Variants in CCDC62 observed in about 807,000 individuals in gnomAD.
The protein encoded by CCDC62 is coiled-coil domain-containing protein 62.
In CCDC62, 72 loss-of-function variants were observed where a neutral mutation model predicts 80.8. That is an observed-to-expected ratio of 0.89 (90% CI 0.74 to 1.08). The LOEUF is 1.08. Ranked by LOEUF, CCDC62 falls within the 50% of genes least tolerant of loss-of-function variation. The pLI is 0.00. For missense variants in CCDC62, 704 were observed against 809.4 expected (o/e 0.87, Z 1.58); for synonymous variants, 286 against 296.5 (o/e 0.96, Z 0.36).
intron 3 of CCDC62, among the ~76,000 whole-genome samples, chr12:122,783,995 T>C (rs2030050471): frequency 6.6e-6 from 1 of 152,194 alleles, no homozygotes; most frequent in South Asian, 2.1e-4. Flanking sequence ...CTCTACTATA[T>C]TATAGTATGT....
chr12:122,812,773 G>GAAAGAA (rs1555257959), intron 10 of CCDC62, among the ~76,000 whole-genome samples: 829 of 68,752 alleles, frequency 0.012, 8 homozygotes, highest in South Asian at 0.017. Context: ...GAGAGAGAGA[G>GAAAGAA]AGAGAGAAAG....
intron 2 of CCDC62, among the ~76,000 whole-genome samples, chr12:122,780,422 G>A (rs1879776070): frequency 6.6e-6 from 1 of 151,640 alleles, no homozygotes; most frequent in Non-Finnish European, 1.5e-5. Flanking sequence ...GACCATCCTG[G>A]CTAACACGGT....
rs749893773 is a variant in CCDC62 at position 122,792,038 on chromosome 12, C to A, written c.689C>A (p.Thr230Lys). The change falls in exon 6 of 13, where the codon ACG becomes AAG. Residue 230 changes from threonine (T) to lysine (K), a missense_variant. Coordinates refer to ENST00000253079, the MANE Select transcript of CCDC62 (RefSeq NM_201435.5). Reference sequence around the variant, plus strand: ...TGTGAAGAGGACCTCAATGAAAAGACGACAGAAAATAATGAGCAACGAGAA... The same window carrying A: ...TGTGAAGAGGACCTCAATGAAAAGAAGACAGAAAATAATGAGCAACGAGAA... The part of the protein sequence containing the change: ...NKLKEDLNEK[T>K]TENNEQREEI... 6.2e-7 allele frequency: 1 copy of A among 1,613,538 alleles called. No homozygotes were observed. The highest frequency in any genetic ancestry group is 8.5e-7 in the Non-Finnish European group (1 of 1,179,614).
intron 8 of CCDC62, among the ~76,000 whole-genome samples, chr12:122,799,836 C>T (rs533705990): frequency 2.0e-5 from 3 of 152,218 alleles, no homozygotes; most frequent in Admixed American, 6.5e-5. Context: ...TGGCTGGGGC[C>T]GCCCTGCTTT....
chr12:122,802,393 G>A (rs1383382034), intron 9 of CCDC62, among the ~76,000 whole-genome samples: 1 of 150,712 alleles, frequency 6.6e-6, no homozygotes, highest in Non-Finnish European at 1.5e-5. Flanking sequence ...GCAATATAAC[G>A]AGACCCTATC....
At chr12:122,809,914 G>A (rs1319399919) in intron 10 of CCDC62, among the ~76,000 whole-genome samples, 3 of 152,028 alleles carry the variant, frequency 2.0e-5, no homozygotes, top group Non-Finnish European at 2.9e-5. Flanking sequence ...AACAAGAAAT[G>A]GGGAAAGGAT....
chr12:122,826,457 C>T lies in CCDC62; in HGVS notation c.*76C>T, dbSNP rs771310488. 2 of 779,248 alleles carry T rather than the reference C, an allele frequency of 2.6e-6. No homozygotes were observed. The highest frequency in any genetic ancestry group is 1.3e-5 in the South Asian group (1 of 74,260). The allele number at this position is 779,248 out of a possible 1,614,324, so 48.3% of individuals were successfully genotyped here. ...TATGTGGAAGGCAGAAAGCAGACAC[C>T]AATACTGAATGAATACTTAACCGTA... On this transcript the variant is annotated 3_prime_UTR_variant, in exon 13 of 13. Transcript: ENST00000253079.
chr12:122,806,796 G>T, intron 10 of CCDC62, among the ~76,000 whole-genome samples: 1 of 116,274 alleles, frequency 8.6e-6, no homozygotes. Flanking sequence ...TTTTTCTTTC[G>T]AGAAAAATTG....
At chr12:122,813,758 G>T (rs1432425967) in intron 11 of CCDC62, among the ~76,000 whole-genome samples, 1 of 152,060 alleles carries the variant, frequency 6.6e-6, no homozygotes, top group Non-Finnish European at 1.5e-5. Flanking sequence ...CCGGGTTCAA[G>T]TGATTCTCCT....
At chr12:122,814,998 G>T (rs772528350) in intron 11 of CCDC62, among the ~76,000 whole-genome samples, 3 of 149,088 alleles carry the variant, frequency 2.0e-5, no homozygotes, top group Non-Finnish European at 4.4e-5. Context: ...TGCCCACTCT[G>T]TTTGCCAGGC....
At chr12:122,777,731 C>G in intron 2 of CCDC62, 48 bp downstream of exon 2, 1 of 1,521,144 alleles carries the variant, frequency 6.6e-7, no homozygotes, top group Non-Finnish European at 9.1e-7. Flanking sequence ...TGTGTGCTAA[C>G]ACATTGATGG....
chr12:122,800,850 T>C (rs2031260134), intron 8 of CCDC62, among the ~76,000 whole-genome samples: 1 of 152,238 alleles, frequency 6.6e-6, no homozygotes, highest in South Asian at 2.1e-4. Flanking sequence ...TGAAAAATTT[T>C]AAAGGAAGAT....
At chr12:122,791,459 C>CT (rs1345956277) in intron 5 of CCDC62, among the ~76,000 whole-genome samples, 2 of 149,406 alleles carry the variant, frequency 1.3e-5, no homozygotes, top group African/African-American at 2.5e-5. Context: ...TTTTACTTTA[C>CT]TTTTTTTTGA....
At chr12:122,777,289 T>C (rs1040167966) in intron 1 of CCDC62, 11 of 506,808 alleles carry the variant, frequency 2.2e-5, no homozygotes, top group East Asian at 1.3e-4. Flanking sequence ...TGACAGAAAA[T>C]TGTAGAGAGG....
chr12:122,788,633 G>A, intron 4 of CCDC62, 125 bp from the exon 5 acceptor site: 1 of 617,536 alleles, frequency 1.6e-6, no homozygotes, highest in East Asian at 2.8e-5. Context: ...AAGATTAAAT[G>A]AATTCATATG....
chr12:122,815,515 C>T (rs1259619314), intron 11 of CCDC62, among the ~76,000 whole-genome samples: 2 of 151,840 alleles, frequency 1.3e-5, no homozygotes, highest in Non-Finnish European at 1.5e-5. Flanking sequence ...GGCGCGATCT[C>T]GGCTCACTGC....
intron 3 of CCDC62, among the ~76,000 whole-genome samples, chr12:122,783,546 G>T (rs1327880353): frequency 1.3e-5 from 2 of 151,848 alleles, no homozygotes; most frequent in Admixed American, 1.3e-4. Flanking sequence ...ATTTCTTAGT[G>T]ATATTTCATA....
Position 122,774,636 on chromosome 12 carries a change from C to T in CCDC62, c.-35C>T. ...ATGGCGTTTCTGAGGTGACGCCGCCCACACCGGGCTTCTCCGGGGGCGGAG... is the reference window on the plus strand; with the variant it reads ...ATGGCGTTTCTGAGGTGACGCCGCCTACACCGGGCTTCTCCGGGGGCGGAG... On this transcript the variant is annotated 5_prime_UTR_variant, in exon 1 of 13. Coordinates refer to ENST00000253079, the MANE Select transcript of CCDC62 (RefSeq NM_201435.5). 1 of 1,243,424 alleles carries T rather than the reference C, an allele frequency of 8.0e-7. No homozygotes were observed. The highest frequency in any genetic ancestry group is 1.0e-6 in the Non-Finnish European group (1 of 984,618). 77.0% of individuals were successfully genotyped at this position (1,243,424 alleles called of 1,614,324 possible).
In CCDC62 at chr12:122,776,988, G is replaced by C. The variant is rs148020258; in HGVS notation, c.37-503G>C. 1,189 of 153,608 alleles carry C rather than the reference G, an allele frequency of 7.7e-3. 13 individuals are homozygous for C. Among genetic ancestry groups the C allele is most frequent in the African/African-American group, 0.027 (1,117 of 41,574 alleles). The allele number at this position is 153,608 out of a possible 1,614,324, so 9.5% of individuals were successfully genotyped here. On this transcript the variant is annotated intron_variant, in intron 1 of 12. Transcript: ENST00000253079. The stretch of plus-strand genomic sequence containing the variant: ...TTTTTGTATTTTTAGTAGAGATGGG[G>C]TTTTGCCACGTTGGCCAGGCTGGTC...
Sources: allele counts gnomAD v4.1 joint callset (sites outside exome capture counted in the v4.1 genomes callset), GRCh38; gene constraint gnomAD v4.1.1; transcripts MANE v1.5; gene names NCBI Gene and HGNC (gene_info 2026-07-23, HGNC 2026-07-21).